ZNF385D: variants seen among roughly 807,000 people sequenced by gnomAD.
The protein encoded by ZNF385D is zinc finger protein 659.
Under a neutral mutation model 35.8 loss-of-function variants are expected in ZNF385D, and 15 were observed. That is an observed-to-expected ratio of 0.42 (90% CI 0.28 to 0.64). ZNF385D has a LOEUF of 0.64. Ranked by LOEUF, ZNF385D falls within the 30% of genes least tolerant of loss-of-function variation. The pLI is 0.23. For missense variants in ZNF385D, 474 were observed against 494.6 expected (o/e 0.96, Z 0.39); for synonymous variants, 212 against 186.8 (o/e 1.13, Z -1.10).
intron 4 of ZNF385D, among the ~76,000 whole-genome samples, chr3:21,461,314 G>T (rs1703159522): frequency 6.6e-6 from 1 of 152,098 alleles, no homozygotes; most frequent in South Asian, 2.1e-4. Context: ...ACTTTGGGAG[G>T]CTGAGGTGGG....
At chr3:22,184,642 A>C (rs1695506100) in intron 2 of ZNF385D, among the ~76,000 whole-genome samples, 1 of 152,136 alleles carries the variant, frequency 6.6e-6, no homozygotes, top group South Asian at 2.1e-4. Flanking sequence ...ACTGTCCAAC[A>C]TGGTGAAACC....
At chr3:22,191,420 G>C (rs1696019860) in intron 2 of ZNF385D, among the ~76,000 whole-genome samples, 1 of 151,672 alleles carries the variant, frequency 6.6e-6, no homozygotes, top group African/African-American at 2.4e-5. Flanking sequence ...CTGGGAGGCG[G>C]AGGATGCAGT....
chr3:21,752,065 C>A (rs1189829529), upstream of ZNF385D, among the ~76,000 whole-genome samples: 3 of 124,916 alleles, frequency 2.4e-5, no homozygotes, highest in African/African-American at 6.1e-5. Flanking sequence ...TTGAGATGAA[C>A]GGTCAAGAAA....
intron 3 of ZNF385D, among the ~76,000 whole-genome samples, chr3:21,945,227 CAG>C (rs935746236): frequency 6.6e-6 from 1 of 151,192 alleles, no homozygotes; most frequent in Non-Finnish European, 1.5e-5. Flanking sequence ...GAGAAAGAGA[CAG>C]AGAGAGGAGA....
At chr3:22,197,194 T>G (rs1014499578) in intron 2 of ZNF385D, among the ~76,000 whole-genome samples, 1 of 152,028 alleles carries the variant, frequency 6.6e-6, no homozygotes, top group African/African-American at 2.4e-5. Flanking sequence ...TTCTGCTTGG[T>G]GTTTTTGAAT....
At chr3:22,254,768 T>C (rs144885331) in intron 2 of ZNF385D, among the ~76,000 whole-genome samples, 3,789 of 151,916 alleles carry the variant, frequency 0.025, 48 homozygotes, top group Middle Eastern at 0.058. Flanking sequence ...ATAGTAACCC[T>C]TATTTTACTT....
intron 3 of ZNF385D, among the ~76,000 whole-genome samples, chr3:21,957,459 G>C (rs929874065): frequency 8.5e-5 from 13 of 152,122 alleles, no homozygotes; most frequent in African/African-American, 3.1e-4. Context: ...AAGCCTGATA[G>C]CAATATGAAC....
At chr3:21,795,187 T>A (rs984265582) in intron 3 of ZNF385D, among the ~76,000 whole-genome samples, 4 of 152,204 alleles carry the variant, frequency 2.6e-5, no homozygotes, top group Non-Finnish European at 5.9e-5. Context: ...ATTTGCCTGC[T>A]CTAAGATCAC....
intron 3 of ZNF385D, among the ~76,000 whole-genome samples, chr3:22,120,476 G>A (rs1229774342): frequency 6.6e-6 from 1 of 152,042 alleles, no homozygotes; most frequent in Non-Finnish European, 1.5e-5. Flanking sequence ...TCCTCAAATA[G>A]TGTCACACTG....
At chr3:21,946,882 A>G (rs1026090564) in intron 3 of ZNF385D, among the ~76,000 whole-genome samples, 1 of 152,246 alleles carries the variant, frequency 6.6e-6, no homozygotes, top group African/African-American at 2.4e-5. Context: ...ATTTTGAAGC[A>G]TCTTCCACAA....
At chr3:21,717,345 C>A (rs1389214478) in intron 1 of ZNF385D, among the ~76,000 whole-genome samples, 2 of 152,140 alleles carry the variant, frequency 1.3e-5, no homozygotes. Context: ...TATTCTGAAA[C>A]TCTCTTAAAT....
intron 3 of ZNF385D, among the ~76,000 whole-genome samples, chr3:21,511,398 T>G (rs180864356): frequency 1.3e-3 from 202 of 152,276 alleles, no homozygotes; most frequent in African/African-American, 4.5e-3. Context: ...AAGAGTAGCT[T>G]TCACCTTCTT....
At chr3:21,796,074 ATCTC>A (rs2072137644) in intron 3 of ZNF385D, among the ~76,000 whole-genome samples, 1 of 152,200 alleles carries the variant, frequency 6.6e-6, no homozygotes, top group African/African-American at 2.4e-5. Context: ...TGGCATTTGG[ATCTC>A]GACACTATGA....
chr3:22,336,867 AT>A (rs1044433030), intron 2 of ZNF385D, among the ~76,000 whole-genome samples: 1 of 139,252 alleles, frequency 7.2e-6, no homozygotes, highest in Admixed American at 8.1e-5. Flanking sequence ...CATAATGGTA[AT>A]GAATGACATC....
intron 3 of ZNF385D, among the ~76,000 whole-genome samples, chr3:21,884,395 T>C (rs1698434231): frequency 6.6e-6 from 1 of 151,970 alleles, no homozygotes; most frequent in Admixed American, 6.6e-5. Context: ...GACATCTAAC[T>C]TTCTATCCAA....
At chr3:21,584,256 G>C (rs1391733653) in intron 2 of ZNF385D, among the ~76,000 whole-genome samples, 1 of 152,110 alleles carries the variant, frequency 6.6e-6, no homozygotes, top group Non-Finnish European at 1.5e-5. Flanking sequence ...TGGGATTACA[G>C]CCGTGAGCCA....
chr3:21,776,181 A>T (rs2071279520), intron 3 of ZNF385D, among the ~76,000 whole-genome samples: 1 of 151,918 alleles, frequency 6.6e-6, no homozygotes, highest in African/African-American at 2.4e-5. Context: ...GGACACTTAG[A>T]TATTTTCCAA....
intron 2 of ZNF385D, among the ~76,000 whole-genome samples, chr3:21,602,517 C>CCT (rs2064333283): frequency 1.6e-5 from 1 of 62,712 alleles, no homozygotes; most frequent in African/African-American, 7.6e-5. Flanking sequence ...CCTGCATTTT[C>CCT]TTTTTTTTTT....
chr3:21,928,873 T>C (rs1383930719), intron 3 of ZNF385D, among the ~76,000 whole-genome samples: 4 of 151,480 alleles, frequency 2.6e-5, no homozygotes, highest in Admixed American at 6.6e-5. Flanking sequence ...CCCCAGAGAG[T>C]TTTACCGTGA....
Sources: allele counts gnomAD v4.1 joint callset (sites outside exome capture counted in the v4.1 genomes callset), GRCh38; gene constraint gnomAD v4.1.1; transcripts MANE v1.5; gene names NCBI Gene and HGNC (gene_info 2026-07-23, HGNC 2026-07-21).